The following PSTPIP2 variants were observed in gnomAD, a reference collection of about 807,000 sequenced individuals.
PSTPIP2 encodes the protein proline-serine-threonine phosphatase-interacting protein 2.
PSTPIP2 carries 33 observed loss-of-function variants against 63.3 expected under a neutral mutation model. That is an observed-to-expected ratio of 0.52 (90% confidence interval 0.40 to 0.70). The LOEUF is 0.70. PSTPIP2 is among the 30% of genes least tolerant of loss of function. The pLI is 0.00. For synonymous variants in PSTPIP2, 125 were observed against 132.7 expected, an observed-to-expected ratio of 0.94 and a Z score of 0.40; for missense variants, 312 against 400.7, an observed-to-expected ratio of 0.78 and a Z score of 1.89.
rs1469454175 is a variant in PSTPIP2, at chr18:45,985,335, T to G, written c.*124A>C. 1 of 1,363,918 alleles carries G rather than the reference T, an allele frequency of 7.3e-7. No homozygotes were observed. The highest frequency in any genetic ancestry group is 1.0e-6 in the Non-Finnish European group (1 of 985,872). The allele number at this position is 1,363,918 out of a possible 1,614,324, so 84.5% of individuals were successfully genotyped here. A position where few individuals can be genotyped will look rare whatever the true frequency, so the allele number is the denominator to read the frequency against. ...CCATAAATTTTAAATCTCTAAAAAA[T>G]TATAGCAAGGGTTCACTTCAAAGTC... On this transcript the variant is annotated 3_prime_UTR_variant, in exon 15 of 15. Coordinates refer to ENST00000409746, the MANE Select transcript of PSTPIP2 (RefSeq NM_024430.4).
chr18:46,015,851 A>T, intron 4 of PSTPIP2, 52 bp downstream of exon 4: 1 of 1,565,776 alleles, frequency 6.4e-7, no homozygotes, highest in Non-Finnish European at 8.7e-7. Context: ...GACGACAGAC[A>T]CAGGGCTTGT....
At chr18:46,040,232 T>C (rs188841822) in intron 1 of PSTPIP2, 185 bp from the exon 2 acceptor site, 76 of 472,284 alleles carry the variant, frequency 1.6e-4, no homozygotes, top group African/African-American at 1.4e-3. Flanking sequence ...TGAAAGAACA[T>C]GTTTCAGTTC....
At chr18:46,028,706 A>AT in intron 2 of PSTPIP2, 1 of 882,390 alleles carries the variant, frequency 1.1e-6, no homozygotes, top group Non-Finnish European at 1.9e-6. Context: ...ATGATGAAAA[A>AT]TGCTAGTGAA....
chr18:46,053,195 T>C (rs1267297804), intron 1 of PSTPIP2, among the ~76,000 whole-genome samples: 1 of 152,216 alleles, frequency 6.6e-6, no homozygotes, highest in Non-Finnish European at 1.5e-5. Context: ...TTGCTATTTA[T>C]AAAACTGACA....
intron 6 of PSTPIP2, among the ~76,000 whole-genome samples, chr18:46,002,907 T>C (rs1433486809): frequency 6.6e-6 from 1 of 152,268 alleles, no homozygotes; most frequent in African/African-American, 2.4e-5. Context: ...ATTGATTGTC[T>C]TTCTTTTCAT....
intron 1 of PSTPIP2, among the ~76,000 whole-genome samples, chr18:46,041,907 T>C (rs771287651): frequency 2.5e-4 from 38 of 152,148 alleles, no homozygotes; most frequent in Non-Finnish European, 5.1e-4. Context: ...TGTAGCTCTG[T>C]ATGGGATAAG....
rs2051520712 is a variant in PSTPIP2, at chr18:45,990,751, C to T, written c.926G>A (p.Gly309Glu). 1 of 1,603,918 alleles carries T rather than the reference C, an allele frequency of 6.2e-7. No individual in the cohort carries two copies. The highest frequency in any genetic ancestry group is 8.5e-7 in the Non-Finnish European group (1 of 1,172,430). Reference sequence around the variant, plus strand: ...TGAGCTTTTAGGAATTGGGAGGGGTCCTCTCCTGTAAGAAATGAAAACCAA... The same window carrying T: ...TGAGCTTTTAGGAATTGGGAGGGGTTCTCTCCTGTAAGAAATGAAAACCAA... ...KATGPNLARR[G>E]PLPIPKSSPD... Residue 309 changes from glycine (G) to glutamate (E), a missense_variant, in exon 13 of 15, where the codon GGA becomes GAA. Transcript: ENST00000409746.
chr18:46,054,853 G>C (rs1908703444), intron 1 of PSTPIP2, among the ~76,000 whole-genome samples: 1 of 151,718 alleles, frequency 6.6e-6, no homozygotes, highest in Non-Finnish European at 1.5e-5. Context: ...TAGAAACGGG[G>C]CTTTACCGTT....
intron 9 of PSTPIP2, 42 bp downstream of exon 9, chr18:45,997,707 A>AC: frequency 5.5e-6 from 1 of 183,362 alleles, no homozygotes; most frequent in Non-Finnish European, 1.1e-5. Context: ...ACACACCCCC[A>AC]CCCACCCACC....
Position 46,043,275 on chromosome 18 carries a change from C to T in PSTPIP2, c.34-3228G>A, listed in dbSNP as rs1456091430. On this transcript the variant is annotated intron_variant, in intron 1 of 14. Transcript: ENST00000409746. ...AAGTATGGTGGTGTGCCTGTAGTCC[C>T]AGCTACTTGGGAGGCTAAGGCGGAA... Among the ~76,000 whole-genome samples, 5 of 148,688 alleles carry T rather than the reference C, an allele frequency of 3.4e-5. No homozygotes were observed. The East Asian group carries it at 9.9e-4, about 30-fold the overall frequency.
At chr18:46,005,141 T>C (rs1187728783) in intron 6 of PSTPIP2, among the ~76,000 whole-genome samples, 1 of 152,098 alleles carries the variant, frequency 6.6e-6, no homozygotes, top group Non-Finnish European at 1.5e-5. Context: ...TTCTCACTTA[T>C]AAGTGGGAGC....
chr18:45,987,166 G>T (rs569704378), intron 14 of PSTPIP2, among the ~76,000 whole-genome samples: 1 of 152,270 alleles, frequency 6.6e-6, no homozygotes, highest in Admixed American at 6.5e-5. Context: ...ATGTAATTAG[G>T]ACAAGTTGGC....
intron 12 of PSTPIP2, among the ~76,000 whole-genome samples, chr18:45,991,063 G>A (rs113447934): frequency 2.4e-4 from 37 of 152,242 alleles, no homozygotes; most frequent in African/African-American, 6.5e-4. Context: ...TTGAACATCC[G>A]CATCCTCATA....
At chr18:46,053,599 T>C (rs1438730296) in intron 1 of PSTPIP2, among the ~76,000 whole-genome samples, 1 of 152,194 alleles carries the variant, frequency 6.6e-6, no homozygotes, top group Non-Finnish European at 1.5e-5. Flanking sequence ...AGCCAGACCA[T>C]TAAGTCTGAT....
At chr18:46,021,848 CAAAAAAAA>C (rs59094808) in intron 3 of PSTPIP2, among the ~76,000 whole-genome samples, 2 of 33,286 alleles carry the variant, frequency 6.0e-5, no homozygotes, top group Non-Finnish European at 1.3e-4. Flanking sequence ...GACTCTGTCT[CAAAAAAAA>C]AAAAAAAAAA....
chr18:46,033,285 C>T (rs1424156948), intron 2 of PSTPIP2, among the ~76,000 whole-genome samples: 2 of 152,188 alleles, frequency 1.3e-5, no homozygotes, highest in Non-Finnish European at 2.9e-5. Flanking sequence ...AGTCTCAACC[C>T]CCAGCATCTT....
Position 45,999,451 on chromosome 18 carries a change from C to T in PSTPIP2, c.501G>A (p.Pro167=), listed in dbSNP as rs143350901. Reference sequence around the variant, plus strand: ...TCCTGGGTACCTTTTCTTGTTGCTTCGGGTTCACCAGGTTGGCACTCCGGC... The same window carrying T: ...TCCTGGGTACCTTTTCTTGTTGCTTTGGGTTCACCAGGTTGGCACTCCGGC... The part of the protein sequence containing the change: ...AVSRSANLVN[P]KQQEKLFVKL... The change falls in exon 7 of 15, where the codon CCG becomes CCA. Residue 167 remains proline (P), a synonymous_variant. Coordinates refer to ENST00000409746, the MANE Select transcript of PSTPIP2 (RefSeq NM_024430.4). 50 of 1,614,228 alleles carry T rather than the reference C, an allele frequency of 3.1e-5. No individual in the cohort carries two copies. The African/African-American group carries it at 3.9e-4, about 12-fold the overall frequency.
At position 45,984,496 on chromosome 18, in the gene PSTPIP2, T is replaced by C. The variant is rs942176782; in HGVS notation, c.*963A>G. On this transcript the variant is annotated 3_prime_UTR_variant, in exon 15 of 15. Transcript: ENST00000409746. ...AGGACTGGTTTTATAACTCTAAAAT[T>C]ATCTTGAGGAATGGAATCAAAATAT... 2.0e-5 allele frequency: 3 copies of C among 152,208 alleles called. No homozygotes were observed. The highest frequency in any genetic ancestry group is 7.2e-5 in the African/African-American group (3 of 41,450). The allele number at this position is 152,208 out of a possible 1,614,324, so 9.4% of individuals were successfully genotyped here.
rs530770273 is a variant in PSTPIP2 at position 46,065,623 on chromosome 18, C to T, written c.33+6533G>A. ...CTGGGACTACAGGCACCCACCACCA[C>T]GCCCGGCTAATTTTTGTATTTTTAG... On this transcript the variant is annotated intron_variant, in intron 1 of 14. Coordinates refer to ENST00000409746, the MANE Select transcript of PSTPIP2 (RefSeq NM_024430.4). Among the ~76,000 whole-genome samples, 9 of 152,196 alleles carry T rather than the reference C, an allele frequency of 5.9e-5. No individual in the cohort carries two copies. The South Asian group carries it at 1.0e-3, about 18-fold the overall frequency.
Sources: allele counts gnomAD v4.1 joint callset (sites outside exome capture counted in the v4.1 genomes callset), GRCh38; gene constraint gnomAD v4.1.1; transcripts MANE v1.5; gene names NCBI Gene and HGNC (gene_info 2026-07-23, HGNC 2026-07-21).